The following KATNA1 variants were observed in gnomAD, a reference collection of about 807,000 sequenced individuals.
KATNA1 encodes katanin p60 ATPase-containing subunit A1.
A neutral mutation model predicts 62.6 loss-of-function variants in KATNA1; 42 were observed. The ratio of observed to expected loss-of-function variants is 0.67; its 90% CI spans 0.52 to 0.87. KATNA1 has a LOEUF of 0.87. Ranked by LOEUF, KATNA1 falls within the 40% of genes least tolerant of loss-of-function variation. The pLI is 0.00. For missense variants in KATNA1, 498 were observed against 612.5 expected (o/e 0.81, Z 1.97); for synonymous variants, 186 against 201.9 (o/e 0.92, Z 0.67).
intron 3 of KATNA1, among the ~76,000 whole-genome samples, chr6:149,632,122 G>T (rs957384610): frequency 3.3e-5 from 5 of 152,038 alleles, no homozygotes; most frequent in Non-Finnish European, 7.4e-5. Context: ...GGCTGGGCAC[G>T]GTGGCTCAGG....
intron 1 of KATNA1, among the ~76,000 whole-genome samples, chr6:149,642,144 G>A (rs1255631944): frequency 6.6e-5 from 10 of 151,986 alleles, no homozygotes; most frequent in African/African-American, 1.9e-4. Flanking sequence ...CTTGTGATCC[G>A]CCCACCTGGG....
intron 4 of KATNA1, among the ~76,000 whole-genome samples, chr6:149,609,379 A>G (rs1778858167): frequency 6.6e-6 from 1 of 152,188 alleles, no homozygotes; most frequent in Non-Finnish European, 1.5e-5. Context: ...GGAAAAAAAA[A>G]AAGTATTTTT....
chr6:149,595,343 ATAT>A, intron 10 of KATNA1, 109 bp from the exon 11 acceptor site: 1 of 692,650 alleles, frequency 1.4e-6, no homozygotes, highest in Non-Finnish European at 2.4e-6. Flanking sequence ...TTCTCTAATT[ATAT>A]TACATATATA....
intron 1 of KATNA1, among the ~76,000 whole-genome samples, chr6:149,646,481 T>C (rs1173786086): frequency 6.6e-6 from 1 of 152,162 alleles, no homozygotes; most frequent in Non-Finnish European, 1.5e-5. Flanking sequence ...AGAATGTTCA[T>C]CTCTGGGATA....
chr6:149,596,503 T>G (rs923575095), intron 10 of KATNA1, among the ~76,000 whole-genome samples: 1 of 152,076 alleles, frequency 6.6e-6, no homozygotes, highest in Admixed American at 6.5e-5. Flanking sequence ...CCACTGCACT[T>G]CAGCCTGGGT....
At chr6:149,625,549 G>T (rs560368942) in intron 3 of KATNA1, among the ~76,000 whole-genome samples, 1 of 152,248 alleles carries the variant, frequency 6.6e-6, no homozygotes, top group Admixed American at 6.5e-5. Flanking sequence ...AGAATCACTT[G>T]AACCCAGGAG....
chr6:149,615,455 T>A (rs1779133212), intron 4 of KATNA1, among the ~76,000 whole-genome samples: 1 of 152,012 alleles, frequency 6.6e-6, no homozygotes, highest in South Asian at 2.1e-4. Context: ...TCTGCCTGTC[T>A]TGGCCTCCCA....
intron 4 of KATNA1, among the ~76,000 whole-genome samples, chr6:149,620,156 G>T (rs1779338853): frequency 6.6e-6 from 1 of 152,154 alleles, no homozygotes; most frequent in Non-Finnish European, 1.5e-5. Flanking sequence ...TAGACGTACA[G>T]AGTACAATAA....
At chr6:149,599,773 C>T (rs367891348) in intron 7 of KATNA1, among the ~76,000 whole-genome samples, 2 of 152,246 alleles carry the variant, frequency 1.3e-5, no homozygotes, top group East Asian at 3.9e-4. Flanking sequence ...CCGCCTCAAC[C>T]TCCCAAAGTG....
intron 10 of KATNA1, among the ~76,000 whole-genome samples, chr6:149,596,061 C>G (rs1375476193): frequency 6.6e-6 from 1 of 152,186 alleles, no homozygotes; most frequent in Non-Finnish European, 1.5e-5. Flanking sequence ...AAGGCACCAA[C>G]AATTTATTTA....
At chr6:149,647,225 G>C (rs1780520488) in intron 1 of KATNA1, among the ~76,000 whole-genome samples, 2 of 151,338 alleles carry the variant, frequency 1.3e-5, no homozygotes, top group Admixed American at 1.3e-4. Flanking sequence ...CTATTTCTTG[G>C]TATAAGAACA....
chr6:149,627,524 T>G (rs531870011), intron 3 of KATNA1, among the ~76,000 whole-genome samples: 1 of 123,186 alleles, frequency 8.1e-6, no homozygotes, highest in South Asian at 2.6e-4. Context: ...TGAGACTCCA[T>G]CTCAAAAAAA....
chr6:149,618,697 T>C (rs1779277482), intron 4 of KATNA1, among the ~76,000 whole-genome samples: 1 of 152,122 alleles, frequency 6.6e-6, no homozygotes, highest in African/African-American at 2.4e-5. Context: ...CAACTGATTT[T>C]CAACAAAAGC....
At chr6:149,613,256 T>A (rs1188298154) in intron 4 of KATNA1, among the ~76,000 whole-genome samples, 4 of 136,350 alleles carry the variant, frequency 2.9e-5, no homozygotes, top group East Asian at 4.5e-4. Context: ...GCTAACATTA[T>A]ACTCTCTGTG....
intron 6 of KATNA1, among the ~76,000 whole-genome samples, chr6:149,602,642 T>C (rs981569614): frequency 6.6e-6 from 1 of 152,050 alleles, no homozygotes; most frequent in Non-Finnish European, 1.5e-5. Flanking sequence ...CAACATGACA[T>C]ATAAAATGGA....
At position 149,623,187 on chromosome 6, in the gene KATNA1, T is replaced by C. The variant is rs144340192; in HGVS notation, c.417A>G (p.Ser139=). 3.2e-4 allele frequency: 509 copies of C among 1,613,708 alleles called. 4 individuals carry two copies. The East Asian group carries it at 8.6e-3, about 27-fold the overall frequency. The change falls in exon 4 of 11, where the codon TCA becomes TCG. Residue 139 remains serine (S), a synonymous_variant. Coordinates refer to ENST00000367411, the MANE Select transcript of KATNA1 (RefSeq NM_007044.4). ...RPSTTVRVHR[S]SAQNVHNDRG... ...TGTCATTGTGAACATTCTGTGCAGA[T>C]GAACGGTGAACTCTGACAGTTGTAC...
At chr6:149,638,740 T>TG (rs1562302374) in intron 1 of KATNA1, 180 bp from the exon 2 acceptor site, 133 of 436,328 alleles carry the variant, frequency 3.0e-4, no homozygotes, top group African/African-American at 1.9e-3. Flanking sequence ...GTTTTTTTTT[T>TG]TTTTTTTTTT....
chr6:149,636,375 C>T (rs2114619450), intron 2 of KATNA1, among the ~76,000 whole-genome samples: 1 of 151,828 alleles, frequency 6.6e-6, no homozygotes, highest in East Asian at 1.9e-4. Context: ...AGTTCAAGAC[C>T]AGCCTGAACA....
At chr6:149,621,587 G>T (rs1029917781) in intron 4 of KATNA1, among the ~76,000 whole-genome samples, 17 of 151,626 alleles carry the variant, frequency 1.1e-4, no homozygotes, top group African/African-American at 3.9e-4. Context: ...CCGCCTCCCG[G>T]GTTCAAGTGA....
Sources: gnomAD v4.1 joint callset for allele counts (sites outside exome capture counted in the v4.1 genomes callset) on GRCh38, gnomAD v4.1.1 for gene constraint, MANE v1.5 for transcripts, NCBI Gene and HGNC (gene_info 2026-07-23, HGNC 2026-07-21) for gene names.